Variants in RNF180 observed in about 807,000 individuals in gnomAD.
The protein encoded by RNF180 is E3 ubiquitin-protein ligase RNF180.
In RNF180, 38 loss-of-function variants were observed where a neutral mutation model predicts 59.2. The ratio of observed to expected loss-of-function variants is 0.64; its 90% confidence interval spans 0.50 to 0.84. The LOEUF is 0.84. Among genes scored for constraint, RNF180 ranks in the 40% least tolerant of loss-of-function variants. RNF180 has a pLI of 0.00. For missense variants in RNF180, 705 were observed against 700.9 expected, an observed-to-expected ratio of 1.01 and a Z score of -0.07; for synonymous variants, 262 against 240.3, an observed-to-expected ratio of 1.09 and a Z score of -0.84.
chr5:64,361,785 A>G (rs1404856992), intron 7 of RNF180, among the ~76,000 whole-genome samples: 1 of 151,502 alleles, frequency 6.6e-6, no homozygotes, highest in Non-Finnish European at 1.5e-5. Context: ...TATTAACTCC[A>G]ATCCAAATCC....
chr5:64,238,008 A>T (rs992764830), intron 5 of RNF180, among the ~76,000 whole-genome samples: 6 of 152,184 alleles, frequency 3.9e-5, no homozygotes, highest in Non-Finnish European at 7.3e-5. Flanking sequence ...CTCAGGTAGT[A>T]TCTTTATAGC....
intron 5 of RNF180, among the ~76,000 whole-genome samples, chr5:64,227,708 TC>T (rs1408662374): frequency 3.9e-5 from 6 of 152,236 alleles, no homozygotes; most frequent in African/African-American, 9.6e-5. Flanking sequence ...TTCTGCCTTA[TC>T]TCTGTGCACC....
At chr5:64,240,968 C>T in intron 5 of RNF180, among the ~76,000 whole-genome samples, 1 of 152,150 alleles carries the variant, frequency 6.6e-6, no homozygotes, top group East Asian at 1.9e-4. Context: ...CTATAAATCT[C>T]ACAAGAAAAA....
chr5:64,215,801 G>A (rs1561195939), intron 4 of RNF180, among the ~76,000 whole-genome samples: 1 of 152,046 alleles, frequency 6.6e-6, no homozygotes, highest in Non-Finnish European at 1.5e-5. Flanking sequence ...GTAGCAAATA[G>A]AAATGAAAAA....
At chr5:64,260,107 G>C (rs914160423) in intron 5 of RNF180, among the ~76,000 whole-genome samples, 9 of 152,090 alleles carry the variant, frequency 5.9e-5, no homozygotes, top group African/African-American at 2.2e-4. Context: ...ATAATAGTAC[G>C]TATCTATAGG....
chr5:64,270,603 A>G (rs1741342706), intron 5 of RNF180, among the ~76,000 whole-genome samples: 1 of 152,152 alleles, frequency 6.6e-6, no homozygotes, highest in African/African-American at 2.4e-5. Context: ...AAGTACATTG[A>G]GACTCAGAGA....
At chr5:64,364,844 G>C (rs1230181454) in intron 7 of RNF180, among the ~76,000 whole-genome samples, 1 of 151,678 alleles carries the variant, frequency 6.6e-6, no homozygotes, top group African/African-American at 2.4e-5. Flanking sequence ...AGATTTTCTA[G>C]TTTGTATGCA....
chr5:64,268,119 T>C (rs1039077401), intron 5 of RNF180, among the ~76,000 whole-genome samples: 4 of 152,186 alleles, frequency 2.6e-5, no homozygotes, highest in African/African-American at 4.8e-5. Flanking sequence ...TCTTCTTTAT[T>C]AGTTTCCAAT....
chr5:64,258,978 AAG>A (rs1480020006), intron 5 of RNF180, among the ~76,000 whole-genome samples: 1 of 152,202 alleles, frequency 6.6e-6, no homozygotes, highest in East Asian at 1.9e-4. Context: ...GATAGCAGAC[AAG>A]AGGACAGCAG....
chr5:64,279,554 A>C (rs1042923205), intron 5 of RNF180, among the ~76,000 whole-genome samples: 37 of 152,210 alleles, frequency 2.4e-4, no homozygotes, highest in African/African-American at 7.5e-4. Flanking sequence ...AAAGTATTTA[A>C]AAGTATGCTT....
chr5:64,315,200 T>G (rs1227288208), intron 5 of RNF180, among the ~76,000 whole-genome samples: 1 of 152,226 alleles, frequency 6.6e-6, no homozygotes, highest in Non-Finnish European at 1.5e-5. Flanking sequence ...TCATTAAGTA[T>G]TGGGAATCTG....
At chr5:64,312,555 A>G (rs1332416113) in intron 5 of RNF180, among the ~76,000 whole-genome samples, 1 of 152,136 alleles carries the variant, frequency 6.6e-6, no homozygotes, top group Non-Finnish European at 1.5e-5. Flanking sequence ...TTTAGCATCA[A>G]AAACTGTGTT....
intron 1 of RNF180, among the ~76,000 whole-genome samples, chr5:64,167,354 A>G (rs1749701662): frequency 6.6e-6 from 1 of 152,154 alleles, no homozygotes; most frequent in Non-Finnish European, 1.5e-5. Flanking sequence ...ACAATTTACC[A>G]GTTTCCCTAG....
At position 64,200,893 on chromosome 5, in the gene RNF180, T is replaced by C; in HGVS notation, c.86T>C (p.Ile29Thr). The change falls in exon 2 of 8, where the codon ATA becomes ACA. Residue 29 changes from isoleucine (I) to threonine (T), a missense_variant. Coordinates refer to ENST00000389100, the MANE Select transcript of RNF180 (RefSeq NM_001113561.2). ...ILRCWKCRKC[I>T]ASSGCFMEYL... ...CGTTGTTGGAAATGTAGAAAATGTA[T>C]AGCAAGCTCTGGTTGTTTTATGGAG... 1 of 1,613,464 alleles carries C rather than the reference T, an allele frequency of 6.2e-7. No homozygotes were observed. The highest frequency in any genetic ancestry group is 8.5e-7 in the Non-Finnish European group (1 of 1,179,406).
intron 5 of RNF180, among the ~76,000 whole-genome samples, chr5:64,313,788 C>T (rs1048905678): frequency 9.9e-5 from 15 of 152,056 alleles, no homozygotes; most frequent in East Asian, 1.9e-4. Flanking sequence ...GTAAGTGTTC[C>T]CTTTTCTGTG....
chr5:64,166,795 C>T (rs544276748), intron 1 of RNF180, among the ~76,000 whole-genome samples: 1 of 152,128 alleles, frequency 6.6e-6, no homozygotes, highest in Non-Finnish European at 1.5e-5. Flanking sequence ...AGCAGTCAAT[C>T]CTTGTGGAAT....
At chr5:64,278,159 A>C (rs910477290) in intron 5 of RNF180, among the ~76,000 whole-genome samples, 1 of 152,192 alleles carries the variant, frequency 6.6e-6, no homozygotes, top group Non-Finnish European at 1.5e-5. Context: ...TGAGTGTCGA[A>C]ATGGCATGTG....
intron 1 of RNF180, among the ~76,000 whole-genome samples, chr5:64,188,919 T>C (rs891475967): frequency 2.0e-5 from 3 of 152,060 alleles, no homozygotes; most frequent in African/African-American, 4.8e-5. Context: ...TATTTGGACA[T>C]GAGGTCATAA....
intron 7 of RNF180, among the ~76,000 whole-genome samples, chr5:64,346,570 A>T (rs765391427): frequency 4.6e-5 from 7 of 151,598 alleles, no homozygotes; most frequent in South Asian, 2.1e-4. Flanking sequence ...GGGTTTCATC[A>T]TGTTGGCCAG....
Sources: allele counts gnomAD v4.1 joint callset (sites outside exome capture counted in the v4.1 genomes callset), GRCh38; gene constraint gnomAD v4.1.1; transcripts MANE v1.5; gene names NCBI Gene and HGNC (gene_info 2026-07-23, HGNC 2026-07-21).